Variants in KIAA1217 observed in about 807,000 individuals in gnomAD.
The protein encoded by KIAA1217 is sickle tail protein homolog.
In KIAA1217, 88 loss-of-function variants were observed where a neutral mutation model predicts 163.9. That is an observed-to-expected ratio of 0.54 (90% CI 0.45 to 0.64). The LOEUF is 0.64. KIAA1217 is among the 30% of genes least tolerant of loss of function. The pLI is 0.00. For missense variants in KIAA1217, 2,372 were observed against 2,475.0 expected (o/e 0.96, Z 0.88); for synonymous variants, 903 against 923.1 (o/e 0.98, Z 0.39).
intron 12 of KIAA1217, among the ~76,000 whole-genome samples, chr10:24,522,432 C>T (rs2134629848): frequency 6.6e-6 from 1 of 152,270 alleles, no homozygotes; most frequent in Middle Eastern, 3.4e-3. Context: ...TAGATGAATT[C>T]AGTTCAAAGA....
intron 2 of KIAA1217, among the ~76,000 whole-genome samples, chr10:24,308,853 T>G (rs907058565): frequency 1.3e-5 from 2 of 152,130 alleles, no homozygotes; most frequent in African/African-American, 4.8e-5. Flanking sequence ...CTGGGCACAG[T>G]GGCTCATGCC....
intron 2 of KIAA1217, among the ~76,000 whole-genome samples, chr10:24,190,679 TTTAAGGGAAGGCAGGCTGC>T (rs2066676251): frequency 6.6e-6 from 1 of 152,118 alleles, no homozygotes; most frequent in African/African-American, 2.4e-5. Flanking sequence ...GGATATCCTG[TTTAAGGGAAGGCAGGCTGC>T]TGACCAGTTA....
At chr10:24,130,301 A>T (rs1252809078) in intron 2 of KIAA1217, among the ~76,000 whole-genome samples, 2 of 152,180 alleles carry the variant, frequency 1.3e-5, no homozygotes, top group African/African-American at 4.8e-5. Flanking sequence ...CTTCAAATGT[A>T]TTATATATAA....
At chr10:24,522,057 C>T in intron 12 of KIAA1217, 128 bp downstream of exon 12, 1 of 1,013,268 alleles carries the variant, frequency 9.9e-7, no homozygotes, top group Non-Finnish European at 1.4e-6. Flanking sequence ...AGGAAAAGCC[C>T]CAAGTCCTTC....
chr10:23,790,704 C>CATATATAT (rs140845530), intron 1 of KIAA1217, among the ~76,000 whole-genome samples: 2 of 125,368 alleles, frequency 1.6e-5, no homozygotes, highest in Admixed American at 8.3e-5. Context: ...TATACACACA[C>CATATATAT]ATATATATAT....
chr10:23,733,402 T>C (rs570281359), intron 1 of KIAA1217, among the ~76,000 whole-genome samples: 2 of 152,226 alleles, frequency 1.3e-5, no homozygotes, highest in Non-Finnish European at 2.9e-5. Flanking sequence ...ATTTTTGGTA[T>C]CATCAGGGAA....
chr10:24,321,455 C>A (rs766994366), intron 2 of KIAA1217, among the ~76,000 whole-genome samples: 2 of 152,068 alleles, frequency 1.3e-5, no homozygotes, highest in East Asian at 3.9e-4. Flanking sequence ...ATTGCTTGAA[C>A]CCAGGAGGCA....
At chr10:24,527,222 T>C (rs2072326108) in intron 13 of KIAA1217, among the ~76,000 whole-genome samples, 1 of 151,928 alleles carries the variant, frequency 6.6e-6, no homozygotes, top group Non-Finnish European at 1.5e-5. Flanking sequence ...ATAGAAGTGG[T>C]ACTAAGACAC....
intron 1 of KIAA1217, among the ~76,000 whole-genome samples, chr10:23,848,450 C>CT (rs1839146990): frequency 6.6e-6 from 1 of 151,928 alleles, no homozygotes; most frequent in Admixed American, 6.6e-5. Flanking sequence ...TTCTTTATCT[C>CT]TTTTCAACCC....
intron 1 of KIAA1217, among the ~76,000 whole-genome samples, chr10:23,954,979 A>G (rs1414081917): frequency 2.0e-5 from 3 of 152,222 alleles, no homozygotes; most frequent in Non-Finnish European, 2.9e-5. Context: ...TAAGTTACTT[A>G]GTCCAGTTTA....
intron 2 of KIAA1217, among the ~76,000 whole-genome samples, chr10:24,029,704 G>A (rs1312652940): frequency 6.6e-6 from 1 of 152,148 alleles, no homozygotes; most frequent in African/African-American, 2.4e-5. Context: ...GGAGCCAGAA[G>A]ACAAGTTCTG....
At chr10:23,715,206 G>A (rs973878952) in intron 1 of KIAA1217, among the ~76,000 whole-genome samples, 1 of 152,164 alleles carries the variant, frequency 6.6e-6, no homozygotes, top group Non-Finnish European at 1.5e-5. Context: ...CTTCTCCTGG[G>A]CTGCCATAGC....
intron 1 of KIAA1217, among the ~76,000 whole-genome samples, chr10:23,917,010 T>C (rs1021834634): frequency 3.0e-4 from 46 of 151,858 alleles, no homozygotes; most frequent in African/African-American, 1.1e-3. Context: ...GTTTTCTTTC[T>C]ATCTTTCCTC....
At position 23,759,482 on chromosome 10, in the gene KIAA1217, T is replaced by C. The variant is rs181315503; in HGVS notation, c.-321+64248T>C. ...TGGAAAAGTGGGCATCCTTGCCTTG[T>C]TCCTGATCTTAGAGGAAAAGCTTGC... On this transcript the variant is annotated intron_variant, in intron 1 of 18. Transcript: ENST00000376462. Among the ~76,000 whole-genome samples, 459 of 152,346 alleles carry C rather than the reference T, an allele frequency of 3.0e-3. 1 individual carries two copies. The highest frequency in any genetic ancestry group is 0.011 in the African/African-American group (439 of 41,590).
At chr10:24,544,959 CT>C (rs779121961) in intron 19 of KIAA1217, 21 bp from the exon 20 acceptor site, 12 of 1,610,206 alleles carry the variant, frequency 7.5e-6, no homozygotes, top group South Asian at 1.1e-5. Flanking sequence ...TCTCTTCCCC[CT>C]CTCACTGGTC....
In KIAA1217 at chr10:23,773,932, C is replaced by T. The variant is rs537752855; in HGVS notation, c.-321+78698C>T. Among the ~76,000 whole-genome samples, 403 of 152,134 alleles carry T rather than the reference C, an allele frequency of 2.6e-3. 1 individual carries two copies. The highest frequency in any genetic ancestry group is 9.1e-3 in the African/African-American group (379 of 41,464). ...AGGGACAATTTGACTTCCTCTTTTCCTAATTGAATACCATTTATTTCCTTC... is the reference window on the plus strand; with the variant it reads ...AGGGACAATTTGACTTCCTCTTTTCTTAATTGAATACCATTTATTTCCTTC... On this transcript the variant is annotated intron_variant, in intron 1 of 18. Coordinates refer to the KIAA1217 transcript ENST00000376462.
chr10:24,250,983 T>C (rs974407988), intron 2 of KIAA1217, among the ~76,000 whole-genome samples: 1 of 151,418 alleles, frequency 6.6e-6, no homozygotes, highest in Non-Finnish European at 1.5e-5. Flanking sequence ...TCACAGCACT[T>C]TGGGAGGCTG....
intron 1 of KIAA1217, among the ~76,000 whole-genome samples, chr10:24,005,102 G>C (rs1846934152): frequency 6.6e-6 from 1 of 152,214 alleles, no homozygotes; most frequent in Non-Finnish European, 1.5e-5. Context: ...GAGTTAGACT[G>C]ACTGGGATTT....
chr10:23,980,855 A>C (rs11013823), intron 1 of KIAA1217, among the ~76,000 whole-genome samples: 1 of 151,986 alleles, frequency 6.6e-6, no homozygotes, highest in Non-Finnish European at 1.5e-5. Flanking sequence ...ATCTGTAGCT[A>C]TCTCCTCCAA....
Sources: gnomAD v4.1 joint callset for allele counts (sites outside exome capture counted in the v4.1 genomes callset) on GRCh38, gnomAD v4.1.1 for gene constraint, MANE v1.5 for transcripts, NCBI Gene and HGNC (gene_info 2026-07-23, HGNC 2026-07-21) for gene names.